Variants in CCNY observed in about 807,000 individuals in gnomAD.
The protein encoded by CCNY is cyclin Y, also known as cyclin-Y.
CCNY carries 19 observed loss-of-function variants against 42.8 expected under a neutral mutation model. The ratio of observed to expected loss-of-function variants is 0.44; its 90% CI spans 0.31 to 0.65. The LOEUF (loss-of-function observed/expected upper bound fraction) is 0.65. Ranked by LOEUF, CCNY falls within the 30% of genes least tolerant of loss-of-function variation. The probability of loss-of-function intolerance (pLI) is 0.07; values close to 1 mark genes in which losing one functional copy is unlikely to be tolerated. For synonymous variants in CCNY, 165 were observed against 162.7 expected (o/e 1.01, Z -0.11); for missense variants, 370 against 437.3 (o/e 0.85, Z 1.37).
chr10:35,552,482 A>C (rs1841279571), intron 7 of CCNY, among the ~76,000 whole-genome samples: 1 of 152,218 alleles, frequency 6.6e-6, no homozygotes, highest in Admixed American at 6.5e-5. Context: ...GGTAACCACC[A>C]CACTGCAGAA....
chr10:35,292,791 T>G (rs973869834), intron 3 of CCNY, among the ~76,000 whole-genome samples: 2 of 149,300 alleles, frequency 1.3e-5, no homozygotes, highest in East Asian at 1.9e-4. Context: ...GTTTTTTTTT[T>G]TTTTTTTTTT....
At chr10:35,273,636 G>T (rs1403563622) in intron 3 of CCNY, among the ~76,000 whole-genome samples, 1 of 152,076 alleles carries the variant, frequency 6.6e-6, no homozygotes, top group Admixed American at 6.6e-5. Context: ...GGTGGATTTG[G>T]CCAATGCAGG....
intron 3 of CCNY, among the ~76,000 whole-genome samples, chr10:35,291,314 T>A (rs1467073191): frequency 6.6e-6 from 1 of 151,998 alleles, no homozygotes; most frequent in African/African-American, 2.4e-5. Flanking sequence ...TAATATGAGG[T>A]CTTTTAAAGC....
intron 1 of CCNY, among the ~76,000 whole-genome samples, chr10:35,340,704 A>G (rs1317506431): frequency 1.3e-5 from 2 of 152,030 alleles, no homozygotes; most frequent in African/African-American, 4.8e-5. Context: ...GGGTTTCTCC[A>G]TATTTGTTAT....
chr10:35,414,593 A>T (rs1837984663), intron 1 of CCNY, among the ~76,000 whole-genome samples: 2 of 152,208 alleles, frequency 1.3e-5, no homozygotes, highest in Non-Finnish European at 2.9e-5. Flanking sequence ...GAGCATGAAT[A>T]CCAGGAGGCG....
intron 3 of CCNY, among the ~76,000 whole-genome samples, chr10:35,272,210 C>A (rs545897043): frequency 1.2e-3 from 189 of 152,102 alleles, no homozygotes; most frequent in African/African-American, 4.3e-3. Context: ...TAGTCTCAAA[C>A]TCCTGACCTC....
chr10:35,508,513 T>C (rs548343660), intron 3 of CCNY, among the ~76,000 whole-genome samples: 37 of 152,214 alleles, frequency 2.4e-4, no homozygotes, highest in Non-Finnish European at 5.1e-4. Flanking sequence ...TCCTGATTCC[T>C]TTTAGTGGCA....
chr10:35,276,904 G>T (rs1468834447), intron 3 of CCNY, among the ~76,000 whole-genome samples: 1 of 152,218 alleles, frequency 6.6e-6, no homozygotes, highest in African/African-American at 2.4e-5. Context: ...AGGCTCCCAA[G>T]AGCCATCTTT....
rs7092861 is a variant in CCNY at position 35,548,179 on chromosome 10, G to A, written c.580-4840G>A. On this transcript the variant is annotated intron_variant, in intron 7 of 9. Coordinates refer to ENST00000374704, the MANE Select transcript of CCNY (RefSeq NM_145012.6). The stretch of plus-strand genomic sequence containing the variant: ...AACATTTGATTATTATTTATTTTTC[G>A]TGTTATATGTATGCTATACTGTATT... 2.0e-3 allele frequency among the ~76,000 whole-genome samples: 304 copies of A among 151,146 alleles called. 2 individuals carry two copies. The highest frequency in any genetic ancestry group is 7.1e-3 in the African/African-American group (291 of 41,048).
chr10:35,294,917 T>C (rs1239490503), intron 3 of CCNY, among the ~76,000 whole-genome samples: 1 of 152,212 alleles, frequency 6.6e-6, no homozygotes, highest in African/African-American at 2.4e-5. Flanking sequence ...TTAATCTCTT[T>C]GTTATAGATT....
intron 4 of CCNY, among the ~76,000 whole-genome samples, chr10:35,522,349 C>T (rs140460320): frequency 3.9e-5 from 6 of 152,314 alleles, no homozygotes; most frequent in African/African-American, 9.6e-5. Flanking sequence ...CCTGCCTTTG[C>T]GAGATGAGCA....
intron 1 of CCNY, among the ~76,000 whole-genome samples, chr10:35,351,080 TATC>T (rs1349181160): frequency 2.6e-5 from 4 of 152,184 alleles, no homozygotes; most frequent in East Asian, 1.9e-4. Context: ...TTAGGAAAGT[TATC>T]ATTATAAGAG....
intron 3 of CCNY, chr10:35,321,008 T>A (rs1835815303): frequency 6.6e-6 from 1 of 151,074 alleles, no homozygotes. Context: ...CCCAGCTACT[T>A]GGGAGGCTGA....
intron 7 of CCNY, among the ~76,000 whole-genome samples, chr10:35,532,730 G>GC (rs1840794966): frequency 6.6e-6 from 1 of 152,198 alleles, no homozygotes; most frequent in Non-Finnish European, 1.5e-5. Flanking sequence ...AAAGGCCTTG[G>GC]CATCCAGCTG....
At chr10:35,373,599 C>T (rs72793892) in intron 1 of CCNY, among the ~76,000 whole-genome samples, 1 of 152,360 alleles carries the variant, frequency 6.6e-6, no homozygotes, top group Non-Finnish European at 1.5e-5. Context: ...ACCAACCCCT[C>T]TTCTTCCTCA....
chr10:35,266,634 G>T (rs2095725829), intron 3 of CCNY, among the ~76,000 whole-genome samples: 1 of 152,120 alleles, frequency 6.6e-6, no homozygotes, highest in Non-Finnish European at 1.5e-5. Context: ...TGCAATGTCG[G>T]TCACAGAGAT....
At chr10:35,468,826 A>G (rs1839324107) in intron 1 of CCNY, among the ~76,000 whole-genome samples, 2 of 152,178 alleles carry the variant, frequency 1.3e-5, no homozygotes, top group Admixed American at 6.5e-5. Flanking sequence ...CACATTAGAG[A>G]TACAGACAGA....
At chr10:35,475,433 G>A (rs934442114) in intron 1 of CCNY, among the ~76,000 whole-genome samples, 43 of 151,346 alleles carry the variant, frequency 2.8e-4, no homozygotes, top group African/African-American at 8.4e-4. Flanking sequence ...GACTAACAGC[G>A]GATCTCTCGG....
intron 1 of CCNY, among the ~76,000 whole-genome samples, chr10:35,394,463 C>T (rs1433618372): frequency 6.6e-6 from 1 of 152,164 alleles, no homozygotes; most frequent in Non-Finnish European, 1.5e-5. Context: ...ACTTGAGTAA[C>T]TCACATTTGT....
Sources: gnomAD v4.1 joint callset for allele counts (sites outside exome capture counted in the v4.1 genomes callset) on GRCh38, gnomAD v4.1.1 for gene constraint, MANE v1.5 for transcripts, NCBI Gene and HGNC (gene_info 2026-07-23, HGNC 2026-07-21) for gene names.